Variants in FSTL5 observed in about 807,000 individuals in gnomAD.
FSTL5 encodes the protein follistatin like 5, also known as follistatin-related protein 5.
In FSTL5, 62 loss-of-function variants were observed where a neutral mutation model predicts 89.1. The ratio of observed to expected loss-of-function variants is 0.70; its 90% CI spans 0.57 to 0.86. The LOEUF (loss-of-function observed/expected upper bound fraction) is 0.86. Ranked by LOEUF, FSTL5 falls within the 40% of genes least tolerant of loss-of-function variation. FSTL5 has a pLI of 0.00. For missense variants in FSTL5, 1,057 were observed against 1,001.6 expected (o/e 1.06, Z -0.75); for synonymous variants, 383 against 346.2 (o/e 1.11, Z -1.18).
At chr4:161,633,061 C>T (rs1266905957) in intron 7 of FSTL5, among the ~76,000 whole-genome samples, 1 of 151,902 alleles carries the variant, frequency 6.6e-6, no homozygotes, top group African/African-American at 2.4e-5. Flanking sequence ...CTTTTGCTAA[C>T]ATCCTGTTAC....
At chr4:161,560,503 A>C (rs1732556516) in intron 8 of FSTL5, among the ~76,000 whole-genome samples, 1 of 151,954 alleles carries the variant, frequency 6.6e-6, no homozygotes, top group African/African-American at 2.4e-5. Context: ...CTCTGTAATA[A>C]CACTTAGCTT....
intron 7 of FSTL5, among the ~76,000 whole-genome samples, chr4:161,644,546 G>T (rs552880027): frequency 1.5e-4 from 22 of 151,098 alleles, no homozygotes; most frequent in Admixed American, 4.6e-4. Context: ...AAAAAGAACA[G>T]TAGTAATAAA....
chr4:161,639,023 C>G lies in FSTL5; in HGVS notation c.894+17305G>C, dbSNP rs1735841394. Among the ~76,000 whole-genome samples, 3 of 151,026 alleles carry G rather than the reference C, an allele frequency of 2.0e-5. No individual in the cohort carries two copies. In the South Asian group the frequency reaches 6.3e-4, roughly 32 times the overall value. ...TCAAAATAATAAGAGCTATCTATGA[C>G]AAACCCACAGCCAATATCATACTGA... On this transcript the variant is annotated intron_variant, in intron 7 of 15. Coordinates refer to ENST00000306100, the MANE Select transcript of FSTL5 (RefSeq NM_020116.5).
At chr4:162,085,534 C>G (rs965965057) in intron 2 of FSTL5, among the ~76,000 whole-genome samples, 1 of 151,750 alleles carries the variant, frequency 6.6e-6, no homozygotes, top group Non-Finnish European at 1.5e-5. Context: ...TACATGTTTG[C>G]GTGTTTATAT....
At chr4:161,418,657 CTG>C (rs1158347969) in intron 15 of FSTL5, among the ~76,000 whole-genome samples, 4 of 152,036 alleles carry the variant, frequency 2.6e-5, no homozygotes, top group African/African-American at 9.7e-5. Flanking sequence ...ATTTAGAAGA[CTG>C]GTGATGTTCA....
chr4:161,885,504 G>A (rs1239054500), intron 4 of FSTL5, among the ~76,000 whole-genome samples: 1 of 152,070 alleles, frequency 6.6e-6, no homozygotes, highest in Non-Finnish European at 1.5e-5. Context: ...GGAGTGCAGT[G>A]GTACAATCTT....
At chr4:161,609,097 C>A (rs1734554385) in intron 7 of FSTL5, among the ~76,000 whole-genome samples, 1 of 151,662 alleles carries the variant, frequency 6.6e-6, no homozygotes, top group Non-Finnish European at 1.5e-5. Flanking sequence ...TCTTGAAGGC[C>A]TTATACATGA....
intron 10 of FSTL5, among the ~76,000 whole-genome samples, chr4:161,514,897 A>C (rs1730764417): frequency 6.6e-6 from 1 of 152,074 alleles, no homozygotes; most frequent in South Asian, 2.1e-4. Context: ...GCAAAATAAA[A>C]TTTTGTTTGC....
chr4:161,727,639 G>A (rs532506735), intron 6 of FSTL5, among the ~76,000 whole-genome samples: 2 of 152,174 alleles, frequency 1.3e-5, no homozygotes, highest in African/African-American at 4.8e-5. Context: ...ATGGAATTTG[G>A]TGCCATTTTT....
At chr4:161,556,725 T>C (rs1732404648) in intron 8 of FSTL5, among the ~76,000 whole-genome samples, 1 of 151,098 alleles carries the variant, frequency 6.6e-6, no homozygotes, top group Non-Finnish European at 1.5e-5. Flanking sequence ...TGCAAACTAA[T>C]ATATGTAAAA....
rs373481970 is a variant in FSTL5 at position 161,735,626 on chromosome 4, T to C, written c.727+23785A>G. Among the ~76,000 whole-genome samples, 12 of 152,308 alleles carry C rather than the reference T, an allele frequency of 7.9e-5. No individual in the cohort carries two copies. The East Asian group carries it at 1.9e-3, about 25-fold the overall frequency. ...ATGTTTTAATTAAGAAAATTTTACA[T>C]TTTATTCAGAATTTATCATGCGTAT... On this transcript the variant is annotated intron_variant, in intron 6 of 15. Transcript: ENST00000306100.
chr4:161,464,225 G>A (rs77877115), intron 13 of FSTL5, among the ~76,000 whole-genome samples: 8 of 152,170 alleles, frequency 5.3e-5, no homozygotes, highest in Non-Finnish European at 8.8e-5. Flanking sequence ...CCTTGTCGCC[G>A]ACTACACTTT....
chr4:161,450,192 T>G (rs1476857943), intron 15 of FSTL5, among the ~76,000 whole-genome samples: 1 of 152,206 alleles, frequency 6.6e-6, no homozygotes, highest in Non-Finnish European at 1.5e-5. Context: ...CCTCTTCTTT[T>G]CTCAATTCTC....
chr4:161,780,996 G>C (rs1467651966), intron 4 of FSTL5, among the ~76,000 whole-genome samples: 1 of 152,080 alleles, frequency 6.6e-6, no homozygotes, highest in African/African-American at 2.4e-5. Context: ...GATAGAATTT[G>C]ATTAGTTTGA....
chr4:162,063,025 C>T (rs9997782), intron 2 of FSTL5, among the ~76,000 whole-genome samples: 2,005 of 151,420 alleles, frequency 0.013, 42 homozygotes, highest in African/African-American at 0.046. Context: ...TTCCTTTGTC[C>T]GTCAAGATAT....
chr4:161,965,128 T>A (rs968188990), intron 3 of FSTL5, among the ~76,000 whole-genome samples: 4 of 152,182 alleles, frequency 2.6e-5, no homozygotes, highest in Admixed American at 2.6e-4. Flanking sequence ...TTTATTCATG[T>A]GAATACTGAA....
At chr4:161,426,629 G>T (rs558264740) in intron 15 of FSTL5, among the ~76,000 whole-genome samples, 111 of 152,244 alleles carry the variant, frequency 7.3e-4, no homozygotes, top group African/African-American at 2.6e-3. Flanking sequence ...GTCTCACTCT[G>T]TTGCCCAGGC....
chr4:162,048,344 AC>A (rs1188450738), intron 2 of FSTL5, among the ~76,000 whole-genome samples: 1 of 152,090 alleles, frequency 6.6e-6, no homozygotes, highest in Non-Finnish European at 1.5e-5. Context: ...AAAAACAGAA[AC>A]AAACAAACAA....
At chr4:161,728,791 T>A (rs1739507214) in intron 6 of FSTL5, among the ~76,000 whole-genome samples, 1 of 152,190 alleles carries the variant, frequency 6.6e-6, no homozygotes, top group South Asian at 2.1e-4. Flanking sequence ...GGGTATGCGA[T>A]GGTACATCAT....
Sources: gnomAD v4.1 joint callset for allele counts (sites outside exome capture counted in the v4.1 genomes callset) on GRCh38, gnomAD v4.1.1 for gene constraint, MANE v1.5 for transcripts, NCBI Gene and HGNC (gene_info 2026-07-23, HGNC 2026-07-21) for gene names.